TET3: variants seen among roughly 807,000 people sequenced by gnomAD.
TET3 encodes the protein tet methylcytosine dioxygenase 3, also known as methylcytosine dioxygenase TET3.
TET3 carries 19 observed loss-of-function variants against 141.4 expected under a neutral mutation model. The observed-to-expected ratio is 0.13, with a 90% confidence interval of 0.09 to 0.20. The LOEUF (loss-of-function observed/expected upper bound fraction) is 0.20, where lower values mean the gene tolerates loss of function less well. TET3 is among the 10% of genes least tolerant of loss of function. The pLI is 1.00. For missense variants in TET3, 1,874 were observed against 2,356.9 expected, an observed-to-expected ratio of 0.80 and a Z score of 4.24; for synonymous variants, 1,043 against 980.9, an observed-to-expected ratio of 1.06 and a Z score of -1.18.
At chr2:74,133,696 C>G in the TET3 span, among the ~76,000 whole-genome samples, 2 of 152,238 alleles carry the variant, frequency 1.3e-5, no homozygotes, top group Non-Finnish European at 2.9e-5. Flanking sequence ...CCACTGTGCC[C>G]TACATGATGT....
intron 10 of TET3, among the ~76,000 whole-genome samples, chr2:74,096,401 C>T (rs974163898): frequency 3.3e-5 from 5 of 152,170 alleles, no homozygotes; most frequent in African/African-American, 7.2e-5. Flanking sequence ...TTCTGTTCAG[C>T]GTAATAAAAC....
chr2:74,020,437 G>A (rs1403732889), intron 3 of TET3, among the ~76,000 whole-genome samples: 1 of 152,202 alleles, frequency 6.6e-6, no homozygotes, highest in Admixed American at 6.5e-5. Context: ...CCTGCCCAAA[G>A]TGTTGGGATT....
chr2:74,089,200 C>T (rs1690338319), intron 7 of TET3, among the ~76,000 whole-genome samples: 1 of 152,012 alleles, frequency 6.6e-6, no homozygotes, highest in African/African-American at 2.4e-5. Context: ...GGTCTTGTTT[C>T]CTGTTCCTGT....
the TET3 span, among the ~76,000 whole-genome samples, chr2:74,129,153 T>G: frequency 6.9e-5 from 10 of 144,176 alleles, no homozygotes; most frequent in Non-Finnish European, 1.4e-4. Context: ...CTACTAAAAA[T>G]ACAAACTTAG....
At chr2:74,054,948 A>G (rs991735407) in intron 4 of TET3, among the ~76,000 whole-genome samples, 2 of 152,104 alleles carry the variant, frequency 1.3e-5, no homozygotes, top group Admixed American at 1.3e-4. Flanking sequence ...CAGGCTGGAT[A>G]GCAGTGGCAG....
chr2:74,131,989 C>A, the TET3 span, among the ~76,000 whole-genome samples: 1 of 152,112 alleles, frequency 6.6e-6, no homozygotes, highest in Non-Finnish European at 1.5e-5. Flanking sequence ...CCGAAGAGTT[C>A]TCTGGTTGCG....
chr2:74,098,119 G>A (rs1690954732), intron 10 of TET3, among the ~76,000 whole-genome samples: 1 of 152,150 alleles, frequency 6.6e-6, no homozygotes, highest in Non-Finnish European at 1.5e-5. Context: ...ACATTCTGCT[G>A]GTATGAGTGA....
At chr2:74,028,603 G>A (rs940088966) in intron 3 of TET3, among the ~76,000 whole-genome samples, 9 of 152,150 alleles carry the variant, frequency 5.9e-5, no homozygotes, top group Non-Finnish European at 1.2e-4. Flanking sequence ...CTGTTTTGTA[G>A]ATGTTTATAG....
At position 74,047,472 on chromosome 2, in the gene TET3, G is replaced by C; in HGVS notation, c.1555G>C (p.Asp519His). Reference sequence around the variant, plus strand: ...GGCTCCCACGCCATCCTCGGAGCCCGACACCCACCAGAAGGCCCAGACCGC... The same window carrying C: ...GGCTCCCACGCCATCCTCGGAGCCCCACACCCACCAGAAGGCCCAGACCGC... ...REAPTPSSEP[D>H]THQKAQTALQ... is the part of the protein sequence containing the mutation. The change falls in exon 4 of 12, where the codon GAC (aspartate) becomes CAC (histidine). Residue 519 changes from aspartate to histidine, a missense_variant. Transcript: ENST00000409262. The C allele has an allele frequency of 6.2e-7, 1 of 1,612,314 alleles. No homozygotes were observed.
the TET3 span, among the ~76,000 whole-genome samples, chr2:74,132,281 T>C: frequency 1.3e-5 from 2 of 152,082 alleles, no homozygotes; most frequent in African/African-American, 4.8e-5. Context: ...TCAGAGCCCT[T>C]CCTGGGAACT....
downstream of TET3, among the ~76,000 whole-genome samples, chr2:74,109,342 C>T (rs1691646640): frequency 1.3e-5 from 2 of 152,206 alleles, no homozygotes; most frequent in Admixed American, 1.3e-4. Flanking sequence ...TGGTTGCAAA[C>T]ATTTTGAGTG....
rs550265008 is a variant in TET3 at position 74,062,087 on chromosome 2, T to G, written c.2495-11462T>G. On this transcript the variant is annotated intron_variant, in intron 4 of 11. Coordinates refer to ENST00000409262, the MANE Select transcript of TET3 (RefSeq NM_001287491.2). ...AGGCAGGTGGCTGGGAGGTGGAGGT[T>G]GTAGCGAGCCGAGAGCACGCCACTG... Among the ~76,000 whole-genome samples, 8 of 152,246 alleles carry G rather than the reference T, an allele frequency of 5.3e-5. No individual in the cohort carries two copies. In the South Asian group the frequency reaches 1.7e-3, roughly 32 times the overall value.
intron 3 of TET3, among the ~76,000 whole-genome samples, chr2:74,015,357 G>A (rs562998706): frequency 6.6e-6 from 1 of 152,090 alleles, no homozygotes; most frequent in African/African-American, 2.4e-5. Flanking sequence ...CAATATAAAA[G>A]TACATAATTA....
At chr2:74,086,287 A>G (rs908022118) in intron 6 of TET3, among the ~76,000 whole-genome samples, 5 of 152,120 alleles carry the variant, frequency 3.3e-5, no homozygotes, top group African/African-American at 7.2e-5. Flanking sequence ...ACATCTTTTT[A>G]TAAACCAGGA....
chr2:74,013,108 T>C (rs1232568280), intron 3 of TET3, among the ~76,000 whole-genome samples: 2 of 150,700 alleles, frequency 1.3e-5, no homozygotes, highest in Non-Finnish European at 3.0e-5. Context: ...GATTCTCCCA[T>C]CTCAGCCTCC....
At chr2:74,124,928 T>TAAA in the TET3 span, among the ~76,000 whole-genome samples, 9 of 55,250 alleles carry the variant, frequency 1.6e-4, no homozygotes, top group African/African-American at 4.8e-4. Flanking sequence ...CAATAAATAC[T>TAAA]AAAAAAAAAA....
chr2:74,127,166 A>G, the TET3 span, among the ~76,000 whole-genome samples: 1 of 152,230 alleles, frequency 6.6e-6, no homozygotes, highest in Non-Finnish European at 1.5e-5. Context: ...TGAGGGGATC[A>G]GAAGCTGGCA....
chr2:74,034,687 C>T lies in TET3; in HGVS notation c.361-11591C>T, dbSNP rs548799557. 2.0e-5 allele frequency among the ~76,000 whole-genome samples: 3 copies of T among 151,562 alleles called. No homozygotes were observed. The South Asian group carries it at 6.2e-4, about 32-fold the overall frequency. ...TCCATTGTCCATTCTGTAGTTTATG[C>T]TCCTTTAGAAATACTTCCATGATGT... On this transcript the variant is annotated intron_variant, in intron 3 of 11. Coordinates refer to ENST00000409262, the MANE Select transcript of TET3 (RefSeq NM_001287491.2).
intron 7 of TET3, 134 bp downstream of exon 7, chr2:74,088,172 A>G: frequency 2.1e-6 from 2 of 940,716 alleles, no homozygotes; most frequent in East Asian, 5.3e-5. Flanking sequence ...CACAGTTAGG[A>G]CTGTGGTTGA....
Sources: gnomAD v4.1 joint callset for allele counts (sites outside exome capture counted in the v4.1 genomes callset) on GRCh38, gnomAD v4.1.1 for gene constraint, MANE v1.5 for transcripts, NCBI Gene and HGNC (gene_info 2026-07-23, HGNC 2026-07-21) for gene names.